RARB: variants seen among roughly 807,000 people sequenced by gnomAD.
RARB encodes the protein HBV-activated protein.
Under a neutral mutation model 51.9 loss-of-function variants are expected in RARB, and 17 were observed. The ratio of observed to expected loss-of-function variants is 0.33; its 90% CI spans 0.22 to 0.49. The LOEUF (loss-of-function observed/expected upper bound fraction) is 0.49. RARB is among the 20% of genes least tolerant of loss of function. The pLI is 0.99. For synonymous variants in RARB, 215 were observed against 195.4 expected (o/e 1.10, Z -0.84); for missense variants, 369 against 550.8 (o/e 0.67, Z 3.30).
chr3:25,242,037 T>C (rs1702444315), intron 5 of RARB, among the ~76,000 whole-genome samples: 2 of 152,256 alleles, frequency 1.3e-5, no homozygotes, highest in Non-Finnish European at 2.9e-5. Context: ...CATTGTGGTT[T>C]TGATTTGCAT....
At chr3:25,465,367 C>G (rs562194789) in intron 2 of RARB, among the ~76,000 whole-genome samples, 2 of 152,176 alleles carry the variant, frequency 1.3e-5, no homozygotes, top group South Asian at 4.2e-4. Context: ...AGAAACTGGC[C>G]CAACCATTGG....
At chr3:25,332,628 A>G (rs6794641) in intron 5 of RARB, among the ~76,000 whole-genome samples, 2 of 151,990 alleles carry the variant, frequency 1.3e-5, no homozygotes, top group Non-Finnish European at 2.9e-5. Flanking sequence ...GACAGGGATG[A>G]CCTCTCTCAC....
intron 3 of RARB, among the ~76,000 whole-genome samples, chr3:25,522,636 G>T (rs1191473274): frequency 2.0e-5 from 3 of 152,060 alleles, no homozygotes; most frequent in African/African-American, 4.8e-5. Flanking sequence ...AGGGCAGTTT[G>T]CAGGAGGAGC....
chr3:25,131,823 G>A (rs1280009381), intron 3 of RARB, among the ~76,000 whole-genome samples: 4 of 151,284 alleles, frequency 2.6e-5, no homozygotes, highest in Non-Finnish European at 4.4e-5. Flanking sequence ...CCAAAATTAA[G>A]GGCAACAAAA....
intron 2 of RARB, among the ~76,000 whole-genome samples, chr3:25,037,570 G>GC (rs1698023536): frequency 6.6e-6 from 1 of 152,066 alleles, no homozygotes; most frequent in Admixed American, 6.6e-5. Flanking sequence ...GTGTCACTTG[G>GC]CTCAACAACA....
chr3:25,437,376 A>T (rs751576600), intron 1 of RARB, among the ~76,000 whole-genome samples: 1 of 152,094 alleles, frequency 6.6e-6, no homozygotes, highest in Non-Finnish European at 1.5e-5. Flanking sequence ...GTACATTTTT[A>T]TTGCTCATTG....
intron 5 of RARB, among the ~76,000 whole-genome samples, chr3:25,332,763 A>G (rs1454546456): frequency 1.3e-5 from 2 of 152,196 alleles, no homozygotes; most frequent in South Asian, 2.1e-4. Context: ...ACATGATTGT[A>G]TATTTAGAAA....
chr3:25,038,343 G>A (rs762873110), intron 2 of RARB, among the ~76,000 whole-genome samples: 1 of 151,844 alleles, frequency 6.6e-6, no homozygotes, highest in Non-Finnish European at 1.5e-5. Context: ...ATTTAAAGAT[G>A]AAAAAAATTG....
At chr3:25,045,764 C>T (rs1261097895) in intron 2 of RARB, among the ~76,000 whole-genome samples, 1 of 152,156 alleles carries the variant, frequency 6.6e-6, no homozygotes, top group Non-Finnish European at 1.5e-5. Context: ...AGTTCAGCTG[C>T]CTTAGCAAAG....
rs150930980 is a variant in RARB, at chr3:24,907,115, C to A, written c.-380+48363C>A. On this transcript the variant is annotated intron_variant, in intron 2 of 11. Transcript: ENST00000383772. ...CACCCCCCATGTGATAGGTATTATT[C>A]TAGGCACTAGAATACTTACGGTAGT... Among the ~76,000 whole-genome samples the A allele has an allele frequency of 2.0e-5, 3 of 152,200 alleles. No individual in the cohort carries two copies. In the East Asian group the frequency reaches 5.8e-4, roughly 29 times the overall value.
intron 5 of RARB, among the ~76,000 whole-genome samples, chr3:25,342,960 G>C (rs79016453): frequency 0.04 from 6,142 of 151,712 alleles, 165 homozygotes; most frequent in Middle Eastern, 0.062. Context: ...GGTTTAAGAG[G>C]GGGGAGGGGA....
intron 3 of RARB, among the ~76,000 whole-genome samples, chr3:25,529,691 G>C (rs1425850136): frequency 6.6e-6 from 1 of 152,070 alleles, no homozygotes; most frequent in Non-Finnish European, 1.5e-5. Flanking sequence ...GATCATAGTG[G>C]TTTTCCCATG....
intron 3 of RARB, among the ~76,000 whole-genome samples, chr3:25,513,111 T>A (rs1697979055): frequency 7.7e-6 from 1 of 130,558 alleles, no homozygotes; most frequent in Non-Finnish European, 1.6e-5. Context: ...AACCCTGTCT[T>A]TACTAAAAAA....
chr3:24,849,029 A>G (rs1030563842), intron 1 of RARB, among the ~76,000 whole-genome samples: 139 of 152,304 alleles, frequency 9.1e-4, no homozygotes, highest in Admixed American at 5.9e-3. Context: ...ATAGTAGTCC[A>G]CTGTTATCTG....
At chr3:25,278,127 G>A (rs757715139) in intron 5 of RARB, among the ~76,000 whole-genome samples, 11 of 152,000 alleles carry the variant, frequency 7.2e-5, no homozygotes, top group Non-Finnish European at 1.3e-4. Context: ...TCCACTTCAC[G>A]GCCATTATGA....
At chr3:25,497,588 A>G (rs1202182739) in intron 2 of RARB, among the ~76,000 whole-genome samples, 2 of 152,168 alleles carry the variant, frequency 1.3e-5, no homozygotes, top group African/African-American at 4.8e-5. Context: ...TAAACTGCCC[A>G]ATCCCTCATT....
chr3:24,975,723 G>A (rs920475976), intron 2 of RARB, among the ~76,000 whole-genome samples: 1 of 151,820 alleles, frequency 6.6e-6, no homozygotes, highest in African/African-American at 2.4e-5. Context: ...TTGTATTTTT[G>A]TCATGCTGCT....
At chr3:25,114,442 T>C (rs1225056899) in intron 3 of RARB, among the ~76,000 whole-genome samples, 3 of 152,214 alleles carry the variant, frequency 2.0e-5, no homozygotes, top group African/African-American at 7.2e-5. Context: ...ACATTTATTT[T>C]AGCAGAAGTA....
At chr3:24,952,153 TC>T (rs1394551252) in intron 2 of RARB, among the ~76,000 whole-genome samples, 6 of 152,120 alleles carry the variant, frequency 3.9e-5, no homozygotes, top group Admixed American at 2.6e-4. Context: ...GATGGAAGGA[TC>T]CTTTGAGCCA....
Sources: gnomAD v4.1 joint callset for allele counts (sites outside exome capture counted in the v4.1 genomes callset) on GRCh38, gnomAD v4.1.1 for gene constraint, MANE v1.5 for transcripts, NCBI Gene and HGNC (gene_info 2026-07-23, HGNC 2026-07-21) for gene names.